TRAPPC9: variants seen among roughly 807,000 people sequenced by gnomAD.
TRAPPC9 encodes IKK2 binding protein.
TRAPPC9 carries 83 observed loss-of-function variants against 124.0 expected under a neutral mutation model. The observed-to-expected ratio is 0.67, with a 90% CI of 0.56 to 0.80. The LOEUF (loss-of-function observed/expected upper bound fraction) is 0.80, where lower values mean the gene tolerates loss of function less well. TRAPPC9 is among the 30% of genes least tolerant of loss of function. The probability of loss-of-function intolerance (pLI) is 0.00; values close to 1 mark genes in which losing one functional copy is unlikely to be tolerated. For missense variants in TRAPPC9, 1,302 were observed against 1,508.3 expected (o/e 0.86, Z 2.27); for synonymous variants, 638 against 617.5 (o/e 1.03, Z -0.49).
At chr8:139,737,242 G>A (rs968421138) in intron 21 of TRAPPC9, among the ~76,000 whole-genome samples, 1 of 152,162 alleles carries the variant, frequency 6.6e-6, no homozygotes, top group Non-Finnish European at 1.5e-5. Context: ...CACGCAGCCT[G>A]CCTGTCAGCT....
chr8:139,869,511 T>C (rs1281845436), intron 21 of TRAPPC9, among the ~76,000 whole-genome samples: 1 of 152,238 alleles, frequency 6.6e-6, no homozygotes, highest in Non-Finnish European at 1.5e-5. Flanking sequence ...TAGTTGTGAT[T>C]CACCTCTCAA....
At chr8:139,917,960 C>G (rs769156112) in intron 19 of TRAPPC9, among the ~76,000 whole-genome samples, 1 of 152,206 alleles carries the variant, frequency 6.6e-6, no homozygotes, top group African/African-American at 2.4e-5. Flanking sequence ...GCCAGAGGTC[C>G]GTTCTGCAAA....
At chr8:140,020,784 T>C (rs756118107) in intron 18 of TRAPPC9, among the ~76,000 whole-genome samples, 1 of 152,230 alleles carries the variant, frequency 6.6e-6, no homozygotes, top group Admixed American at 6.5e-5. Context: ...GGGTTATCAA[T>C]TTCTCCCTTC....
chr8:140,397,669 A>G lies in TRAPPC9; in HGVS notation c.1085T>C (p.Met362Thr). The G allele has an allele frequency of 6.2e-7, 1 of 1,614,208 alleles. No individual in the cohort carries two copies. Among genetic ancestry groups the G allele is most frequent in the Non-Finnish European group, 8.5e-7 (1 of 1,180,038 alleles). ...ATTCTGAAGAAATTCTGATGCTTCC[A>G]TGCTCCGTTTCTGAATTGCAAGGAC... ...VRVLAIQKRS[M>T]EASEFLQNAV... Residue 362 changes from methionine (M) to threonine (T), a missense_variant, in exon 7 of 23, where the codon ATG (methionine) becomes ACG (threonine). Met to Thr is a moderately conservative substitution (Grantham distance 81). Transcript: ENST00000438773.
intron 17 of TRAPPC9, among the ~76,000 whole-genome samples, chr8:140,081,356 T>TTTC (rs1843807029): frequency 6.6e-6 from 1 of 150,942 alleles, no homozygotes; most frequent in South Asian, 2.1e-4. Flanking sequence ...CTTTTTTTTT[T>TTTC]TTTTTTTGAG....
At chr8:139,962,422 A>G (rs1223116965) in intron 19 of TRAPPC9, among the ~76,000 whole-genome samples, 1 of 125,394 alleles carries the variant, frequency 8.0e-6, no homozygotes, top group Non-Finnish European at 1.9e-5. Context: ...CACAAGTTGT[A>G]TGTTCTCTTT....
At chr8:139,881,810 C>G (rs576002050) in intron 21 of TRAPPC9, among the ~76,000 whole-genome samples, 22 of 152,332 alleles carry the variant, frequency 1.4e-4, no homozygotes, top group African/African-American at 4.1e-4. Flanking sequence ...TGGGCCAATT[C>G]CGACTCGCTG....
chr8:139,737,468 C>CCCCCG (rs1554633757), intron 21 of TRAPPC9, among the ~76,000 whole-genome samples: 2 of 87,940 alleles, frequency 2.3e-5, no homozygotes, highest in Non-Finnish European at 4.9e-5. Context: ...ATCAGCCCTC[C>CCCCCG]CCCCCCCCCC....
intron 21 of TRAPPC9, among the ~76,000 whole-genome samples, chr8:139,779,011 C>CAA (rs1563806871): frequency 3.3e-5 from 5 of 151,938 alleles, no homozygotes; most frequent in Non-Finnish European, 5.9e-5. Context: ...TTTAATTTGC[C>CAA]ATTAAAAGTA....
At chr8:139,731,699 G>A (rs1563768603) in intron 22 of TRAPPC9, among the ~76,000 whole-genome samples, 5 of 152,094 alleles carry the variant, frequency 3.3e-5, no homozygotes, top group South Asian at 2.1e-4. Flanking sequence ...TCCAATCATG[G>A]AGCAGCCCCC....
At chr8:139,905,849 C>G (rs865875394) in intron 20 of TRAPPC9, among the ~76,000 whole-genome samples, 1 of 152,006 alleles carries the variant, frequency 6.6e-6, no homozygotes, top group Non-Finnish European at 1.5e-5. Flanking sequence ...AATACCAACA[C>G]TTTGGGAGGC....
chr8:140,186,589 T>C (rs2062359969), intron 17 of TRAPPC9, among the ~76,000 whole-genome samples: 1 of 152,138 alleles, frequency 6.6e-6, no homozygotes, highest in South Asian at 2.1e-4. Context: ...AGTTATTAAA[T>C]GGCTACTCAT....
chr8:139,874,665 G>C (rs560454068), intron 21 of TRAPPC9, among the ~76,000 whole-genome samples: 1 of 152,326 alleles, frequency 6.6e-6, no homozygotes, highest in East Asian at 1.9e-4. Context: ...CTGGAGCCCA[G>C]GTCACAGGGA....
intron 9 of TRAPPC9, among the ~76,000 whole-genome samples, chr8:140,329,333 T>C (rs774150272): frequency 2.6e-4 from 39 of 152,184 alleles, no homozygotes; most frequent in Non-Finnish European, 5.3e-4. Flanking sequence ...TAAGTGGTCA[T>C]TTGTGACCTT....
chr8:140,012,331 T>C (rs1447370268), intron 18 of TRAPPC9, among the ~76,000 whole-genome samples: 1 of 152,200 alleles, frequency 6.6e-6, no homozygotes, highest in African/African-American at 2.4e-5. Flanking sequence ...CTGCCACAGT[T>C]ATTTACTATG....
At chr8:140,394,566 G>A (rs2069031395) in intron 7 of TRAPPC9, among the ~76,000 whole-genome samples, 1 of 152,174 alleles carries the variant, frequency 6.6e-6, no homozygotes, top group Non-Finnish European at 1.5e-5. Flanking sequence ...CCATCTGACA[G>A]CGCGACTCCA....
intron 21 of TRAPPC9, among the ~76,000 whole-genome samples, chr8:139,782,437 T>C (rs954127501): frequency 4.6e-5 from 7 of 152,262 alleles, no homozygotes; most frequent in Non-Finnish European, 8.8e-5. Flanking sequence ...ATATTGGCTA[T>C]ATTAACATCA....
intron 19 of TRAPPC9, among the ~76,000 whole-genome samples, chr8:139,988,246 G>A (rs1396387910): frequency 1.3e-5 from 2 of 151,768 alleles, no homozygotes; most frequent in Non-Finnish European, 2.9e-5. Flanking sequence ...CCGAGTAGCT[G>A]GGATAACAGG....
intron 21 of TRAPPC9, among the ~76,000 whole-genome samples, chr8:139,860,870 G>A (rs1828092248): frequency 6.6e-6 from 1 of 152,198 alleles, no homozygotes; most frequent in Non-Finnish European, 1.5e-5. Context: ...TGTAAGCTCT[G>A]CACCCTCACC....
Sources: allele counts gnomAD v4.1 joint callset (sites outside exome capture counted in the v4.1 genomes callset), GRCh38; gene constraint gnomAD v4.1.1; transcripts MANE v1.5; gene names NCBI Gene and HGNC (gene_info 2026-07-23, HGNC 2026-07-21).